Variants in QKI observed in about 807,000 individuals in gnomAD.
The protein encoded by QKI is QKI, KH domain containing RNA binding.
QKI carries 10 observed loss-of-function variants against 39.0 expected under a neutral mutation model. The ratio of observed to expected loss-of-function variants is 0.26; its 90% CI spans 0.16 to 0.43. QKI has a LOEUF of 0.43. QKI is among the 20% of genes least tolerant of loss of function. The pLI is 1.00. For synonymous variants in QKI, 204 were observed against 155.4 expected, an observed-to-expected ratio of 1.31 and a Z score of -2.33; for missense variants, 218 against 428.0, an observed-to-expected ratio of 0.51 and a Z score of 4.33.
intron 1 of QKI, 110 bp downstream of exon 1, chr6:163,415,445 G>T: frequency 9.0e-7 from 1 of 1,105,724 alleles, no homozygotes; most frequent in Non-Finnish European, 1.2e-6. Context: ...GGGACCGAGC[G>T]CCGGGGGGAC....
chr6:163,418,849 A>G (rs947117390), intron 1 of QKI, among the ~76,000 whole-genome samples: 1 of 152,202 alleles, frequency 6.6e-6, no homozygotes, highest in Admixed American at 6.5e-5. Context: ...GGTGAAGAGT[A>G]CGGTCTATTA....
chr6:163,434,860 T>C (rs1033564403), intron 1 of QKI, among the ~76,000 whole-genome samples: 8 of 152,022 alleles, frequency 5.3e-5, no homozygotes, highest in Admixed American at 1.3e-4. Context: ...CCTGACTTTT[T>C]CCCCCCTCAG....
intron 1 of QKI, among the ~76,000 whole-genome samples, chr6:163,441,691 A>G (rs1304903060): frequency 6.6e-6 from 1 of 152,218 alleles, no homozygotes; most frequent in Non-Finnish European, 1.5e-5. Context: ...GACTCCTTGA[A>G]AAACTGGAGC....
At chr6:163,570,632 T>C in intron 7 of QKI, 62 bp from the exon 8 acceptor site, 6 of 1,598,818 alleles carry the variant, frequency 3.8e-6, no homozygotes, top group Non-Finnish European at 5.1e-6. Flanking sequence ...CTGAAACTAA[T>C]CTCTTCTCTA....
At chr6:163,492,859 A>C (rs1430591087) in intron 3 of QKI, among the ~76,000 whole-genome samples, 2 of 152,184 alleles carry the variant, frequency 1.3e-5, no homozygotes, top group Admixed American at 1.3e-4. Context: ...AACGTTTAAG[A>C]TTTAAGACGA....
At chr6:163,475,113 G>A (rs974380789) in intron 2 of QKI, among the ~76,000 whole-genome samples, 3 of 152,148 alleles carry the variant, frequency 2.0e-5, no homozygotes, top group African/African-American at 7.2e-5. Context: ...TTGAGGAAGA[G>A]CAAGAGAGAA....
chr6:163,558,044 A>G (rs1281052103), intron 4 of QKI, among the ~76,000 whole-genome samples: 1 of 152,198 alleles, frequency 6.6e-6, no homozygotes, highest in Non-Finnish European at 1.5e-5. Context: ...GTCTCTGTAG[A>G]GTTGCTCATT....
intron 1 of QKI, among the ~76,000 whole-genome samples, chr6:163,420,671 C>A (rs184693410): frequency 3.3e-5 from 5 of 152,210 alleles, no homozygotes; most frequent in African/African-American, 9.6e-5. Context: ...GTTGTTTACC[C>A]TTAATGATAA....
At chr6:163,504,237 A>G (rs1778958826) in intron 3 of QKI, among the ~76,000 whole-genome samples, 3 of 152,096 alleles carry the variant, frequency 2.0e-5, no homozygotes, top group African/African-American at 2.4e-5. Context: ...TTATACCAGT[A>G]CCATAATGTT....
intron 2 of QKI, 65 bp downstream of exon 2, chr6:163,455,486 T>A: frequency 6.9e-7 from 1 of 1,449,224 alleles, no homozygotes; most frequent in Non-Finnish European, 9.4e-7. Flanking sequence ...AGAGATATAT[T>A]TGGTGGTAAA....
chr6:163,420,998 A>G (rs1195097497), intron 1 of QKI, among the ~76,000 whole-genome samples: 2 of 152,226 alleles, frequency 1.3e-5, no homozygotes, highest in Non-Finnish European at 2.9e-5. Context: ...TGTTTGTTGA[A>G]TTAAACATGT....
chr6:163,519,884 T>C (rs955630837), intron 3 of QKI, among the ~76,000 whole-genome samples: 1 of 152,174 alleles, frequency 6.6e-6, no homozygotes, highest in African/African-American at 2.4e-5. Context: ...TTGTGATGAA[T>C]GGCATGTTAC....
At chr6:163,492,025 A>G (rs1778086719) in intron 3 of QKI, among the ~76,000 whole-genome samples, 1 of 152,222 alleles carries the variant, frequency 6.6e-6, no homozygotes, top group Non-Finnish European at 1.5e-5. Flanking sequence ...CAATTTCGTT[A>G]AGGAATATTT....
intron 6 of QKI, chr6:163,564,657 T>A (rs781744587): frequency 6.2e-7 from 1 of 1,614,098 alleles, no homozygotes; most frequent in South Asian, 1.1e-5. Flanking sequence ...CTGATGCCTT[T>A]TTTTTATAGA....
At chr6:163,420,003 G>T (rs1582948966) in intron 1 of QKI, among the ~76,000 whole-genome samples, 2 of 152,088 alleles carry the variant, frequency 1.3e-5, no homozygotes, top group Admixed American at 6.5e-5. Flanking sequence ...ATGGTTTTTG[G>T]TTTCCTTTTT....
At chr6:163,475,416 A>ATAC (rs1703294826) in intron 2 of QKI, among the ~76,000 whole-genome samples, 1 of 152,254 alleles carries the variant, frequency 6.6e-6, no homozygotes, top group Non-Finnish European at 1.5e-5. Flanking sequence ...AGGTATTTTA[A>ATAC]GTAATCTAAA....
chr6:163,547,089 G>C (rs1446179020), intron 4 of QKI, among the ~76,000 whole-genome samples: 3 of 151,978 alleles, frequency 2.0e-5, no homozygotes, highest in African/African-American at 7.3e-5. Flanking sequence ...GCTAATTTAG[G>C]AATTAGCTTA....
chr6:163,434,122 A>T (rs1377212765), intron 1 of QKI, among the ~76,000 whole-genome samples: 1 of 151,954 alleles, frequency 6.6e-6, no homozygotes, highest in Non-Finnish European at 1.5e-5. Flanking sequence ...GGATACAAAG[A>T]TGGATAAGAC....
intron 4 of QKI, among the ~76,000 whole-genome samples, chr6:163,559,661 ATTGTCT>A (rs979194366): frequency 6.6e-6 from 1 of 152,144 alleles, no homozygotes; most frequent in African/African-American, 2.4e-5. Flanking sequence ...ACATCAAAAC[ATTGTCT>A]TTATGTTTCA....
Sources: allele counts gnomAD v4.1 joint callset (sites outside exome capture counted in the v4.1 genomes callset), GRCh38; gene constraint gnomAD v4.1.1; transcripts MANE v1.5; gene names NCBI Gene and HGNC (gene_info 2026-07-23, HGNC 2026-07-21).